Variants in TNIK observed in about 807,000 individuals in gnomAD.
TNIK encodes TRAF2 and NCK-interacting protein kinase.
A neutral mutation model predicts 191.3 loss-of-function variants in TNIK; 49 were observed. The observed-to-expected ratio is 0.26, with a 90% CI of 0.20 to 0.32. The LOEUF (loss-of-function observed/expected upper bound fraction) is 0.32, where lower values mean the gene tolerates loss of function less well. TNIK is among the 10% of genes least tolerant of loss of function. TNIK has a pLI of 1.00. For synonymous variants in TNIK, 594 were observed against 600.9 expected (o/e 0.99, Z 0.17); for missense variants, 1,155 against 1,702.3 (o/e 0.68, Z 5.66).
In TNIK at chr3:171,194,516, G is replaced by A. The variant is rs571948620; in HGVS notation, c.417+9C>T. On this transcript the variant is annotated intron_variant, in intron 5 of 32. Transcript: ENST00000436636. ...TTGGGAGGTGGGCCAGTCCCCACTC[G>A]TAACCTACCCGTAAGATTTCCCTGC... 1.7e-5 allele frequency: 27 copies of A among 1,612,544 alleles called. No individual in the cohort carries two copies. Among genetic ancestry groups the A allele is most frequent in the Admixed American group, 8.4e-5 (5 of 59,844 alleles).
Position 171,093,980 on chromosome 3 carries a change from A to AG in TNIK, c.2592-13dup. The AG allele has an allele frequency of 6.2e-7, 1 of 1,610,708 alleles. No homozygotes were observed. The highest frequency in any genetic ancestry group is 8.5e-7 in the Non-Finnish European group (1 of 1,178,808). ...GAGCTCCTGTTGGTCTGAGATGAGA[A>AG]GGAACAACATTCATGGCAATGTATC... On this transcript the variant is annotated splice_polypyrimidine_tract_variant and intron_variant, in intron 22 of 32. Coordinates refer to ENST00000436636, the MANE Select transcript of TNIK (RefSeq NM_015028.4).
intron 1 of TNIK, among the ~76,000 whole-genome samples, chr3:171,373,527 T>C (rs1716816576): frequency 6.6e-6 from 1 of 152,148 alleles, no homozygotes; most frequent in East Asian, 1.9e-4. Context: ...ACCATTTGCT[T>C]TTAGTTAATT....
chr3:171,257,217 G>A (rs1324176676), intron 2 of TNIK, among the ~76,000 whole-genome samples: 1 of 152,196 alleles, frequency 6.6e-6, no homozygotes, highest in Non-Finnish European at 1.5e-5. Context: ...TAGAACCAGG[G>A]CAGGCGGTAC....
At chr3:171,446,143 T>G (rs2108709020) in intron 1 of TNIK, among the ~76,000 whole-genome samples, 1 of 152,360 alleles carries the variant, frequency 6.6e-6, no homozygotes, top group Admixed American at 6.5e-5. Flanking sequence ...TAGCACCAAC[T>G]TTCAAATGCA....
intron 12 of TNIK, among the ~76,000 whole-genome samples, chr3:171,155,853 C>T (rs1426107668): frequency 6.6e-6 from 1 of 152,240 alleles, no homozygotes; most frequent in Non-Finnish European, 1.5e-5. Context: ...ACACAGAACA[C>T]ATGCAGTGAC....
intron 12 of TNIK, among the ~76,000 whole-genome samples, chr3:171,141,362 C>T (rs575316994): frequency 5.3e-5 from 8 of 152,278 alleles, no homozygotes; most frequent in South Asian, 2.1e-4. Context: ...CATAGCCAGA[C>T]GATGTGACTC....
At chr3:171,288,285 A>T (rs1293568780) in intron 2 of TNIK, among the ~76,000 whole-genome samples, 12 of 150,960 alleles carry the variant, frequency 7.9e-5, no homozygotes, top group Admixed American at 7.3e-4. Flanking sequence ...AACCTGCACA[A>T]TGTGCACATG....
At chr3:171,264,067 TACACAC>T (rs760319253) in intron 2 of TNIK, among the ~76,000 whole-genome samples, 7,933 of 110,508 alleles carry the variant, frequency 0.072, 327 homozygotes, top group East Asian at 0.18. Context: ...TATATATACA[TACACAC>T]ACACACACAC....
intron 1 of TNIK, among the ~76,000 whole-genome samples, chr3:171,450,959 T>C (rs1365533641): frequency 1.3e-5 from 2 of 152,146 alleles, no homozygotes; most frequent in Admixed American, 1.3e-4. Flanking sequence ...TTAAAGATAA[T>C]AAAGCACTGA....
intron 1 of TNIK, among the ~76,000 whole-genome samples, chr3:171,396,638 A>C (rs1421111483): frequency 6.6e-6 from 1 of 152,164 alleles, no homozygotes; most frequent in East Asian, 1.9e-4. Context: ...TGCCAGTGAA[A>C]ACTCTTCATA....
chr3:171,152,872 T>C (rs886125827), intron 12 of TNIK, among the ~76,000 whole-genome samples: 5 of 151,828 alleles, frequency 3.3e-5, no homozygotes, highest in Admixed American at 2.6e-4. Flanking sequence ...CCCGGGTTCA[T>C]GCCATTCTCC....
At chr3:171,257,147 A>AC (rs1746981329) in intron 2 of TNIK, among the ~76,000 whole-genome samples, 1 of 152,208 alleles carries the variant, frequency 6.6e-6, no homozygotes, top group Non-Finnish European at 1.5e-5. Flanking sequence ...AAGACTGCTC[A>AC]CCACTGTATG....
intron 2 of TNIK, among the ~76,000 whole-genome samples, chr3:171,305,615 G>A (rs1009842655): frequency 2.6e-5 from 4 of 152,048 alleles, no homozygotes; most frequent in East Asian, 1.9e-4. Flanking sequence ...ATGAAAAAAC[G>A]CTCAATATCA....
At chr3:171,385,594 G>A (rs1449282236) in intron 1 of TNIK, among the ~76,000 whole-genome samples, 10 of 152,134 alleles carry the variant, frequency 6.6e-5, no homozygotes, top group African/African-American at 2.4e-4. Context: ...GTCAAGCGGA[G>A]CTGAATGGAA....
intron 1 of TNIK, among the ~76,000 whole-genome samples, chr3:171,405,487 AC>A (rs1721542219): frequency 6.9e-6 from 1 of 144,894 alleles, no homozygotes; most frequent in South Asian, 2.3e-4. Flanking sequence ...AAACAAGACA[AC>A]TCTCAATCAC....
At chr3:171,198,338 G>C (rs1738980289) in intron 4 of TNIK, among the ~76,000 whole-genome samples, 1 of 152,018 alleles carries the variant, frequency 6.6e-6, no homozygotes, top group African/African-American at 2.4e-5. Flanking sequence ...ATCCAAAATA[G>C]GCAATCCATA....
At chr3:171,360,235 G>T (rs1461234540) in intron 2 of TNIK, among the ~76,000 whole-genome samples, 1 of 152,186 alleles carries the variant, frequency 6.6e-6, no homozygotes, top group East Asian at 1.9e-4. Flanking sequence ...TGAGAGAATG[G>T]TATAAAATGT....
chr3:171,342,128 C>A (rs1277359129), intron 2 of TNIK, among the ~76,000 whole-genome samples: 1 of 152,174 alleles, frequency 6.6e-6, no homozygotes, highest in Non-Finnish European at 1.5e-5. Context: ...AAGACTAGAT[C>A]TGAAACTATA....
At chr3:171,174,367 G>A (rs1443458035) in intron 9 of TNIK, among the ~76,000 whole-genome samples, 3 of 152,108 alleles carry the variant, frequency 2.0e-5, no homozygotes, top group African/African-American at 7.2e-5. Context: ...CTTATCTCTA[G>A]AAAAAGGATA....
Sources: allele counts gnomAD v4.1 joint callset (sites outside exome capture counted in the v4.1 genomes callset), GRCh38; gene constraint gnomAD v4.1.1; transcripts MANE v1.5; gene names NCBI Gene and HGNC (gene_info 2026-07-23, HGNC 2026-07-21).